The following CSMD1 variants were observed in gnomAD, a reference collection of about 807,000 sequenced individuals.
CSMD1 encodes the protein CUB and sushi domain-containing protein 1.
Under a neutral mutation model 417.5 loss-of-function variants are expected in CSMD1, and 213 were observed. The observed-to-expected ratio is 0.51, with a 90% CI of 0.46 to 0.57. The LOEUF is 0.57. Ranked by LOEUF, CSMD1 falls within the 20% of genes least tolerant of loss-of-function variation. The pLI, the probability that CSMD1 is intolerant of heterozygous loss-of-function variation, is 0.00. For synonymous variants in CSMD1, 2,862 were observed against 1,736.8 expected (o/e 1.65, Z -16.11); for missense variants, 6,923 against 4,529.7 (o/e 1.53, Z -15.17).
rs58317483 is a variant in CSMD1 at position 4,468,679 on chromosome 8, T to C, written c.303-48614A>G. Reference sequence around the variant, plus strand: ...TAGGTAGATCTCCTCCCCTGGACTGTATGTATCATAACAAGAGTGTTTAGC... The same window carrying C: ...TAGGTAGATCTCCTCCCCTGGACTGCATGTATCATAACAAGAGTGTTTAGC... On this transcript the variant is annotated intron_variant, in intron 2 of 69. Coordinates refer to ENST00000635120, the MANE Select transcript of CSMD1 (RefSeq NM_033225.6). 5.5e-3 allele frequency among the ~76,000 whole-genome samples: 830 copies of C among 152,282 alleles called. 6 individuals carry two copies. Among genetic ancestry groups the C allele is most frequent in the African/African-American group, 0.019 (798 of 41,570 alleles).
intron 6 of CSMD1, among the ~76,000 whole-genome samples, chr8:3,731,072 T>C (rs1291772052): frequency 2.6e-5 from 4 of 152,202 alleles, no homozygotes; most frequent in African/African-American, 9.6e-5. Flanking sequence ...CCTACGTCCT[T>C]ATACACTTTC....
At chr8:4,016,689 T>G (rs978036598) in intron 4 of CSMD1, among the ~76,000 whole-genome samples, 1 of 152,200 alleles carries the variant, frequency 6.6e-6, no homozygotes, top group Non-Finnish European at 1.5e-5. Flanking sequence ...TTCAGCAAAA[T>G]AGATTTAGCC....
chr8:3,170,294 G>C (rs946344761), intron 37 of CSMD1, among the ~76,000 whole-genome samples: 3 of 152,084 alleles, frequency 2.0e-5, no homozygotes, highest in Non-Finnish European at 4.4e-5. Flanking sequence ...TGCAAGCTCC[G>C]CCTCCCGGGT....
chr8:3,085,884 T>A (rs1172369484), intron 49 of CSMD1, among the ~76,000 whole-genome samples: 1 of 152,162 alleles, frequency 6.6e-6, no homozygotes. Context: ...TCCGGACCCC[T>A]TTGTGCTTAG....
chr8:3,724,210 T>G (rs970501242), intron 6 of CSMD1, among the ~76,000 whole-genome samples: 3 of 151,742 alleles, frequency 2.0e-5, no homozygotes, highest in African/African-American at 7.3e-5. Flanking sequence ...TTTTTTTTAT[T>G]ATTATACTTT....
chr8:3,255,255 C>T (rs748582803), intron 26 of CSMD1, among the ~76,000 whole-genome samples: 52 of 151,632 alleles, frequency 3.4e-4, no homozygotes, highest in South Asian at 6.2e-4. Context: ...TGTACCCAGC[C>T]GTGTGAGGTG....
intron 5 of CSMD1, among the ~76,000 whole-genome samples, chr8:3,858,504 G>A (rs1563151173): frequency 1.3e-5 from 2 of 152,150 alleles, no homozygotes; most frequent in Non-Finnish European, 2.9e-5. Flanking sequence ...TGTAGAAATG[G>A]AAGGCCTACT....
intron 26 of CSMD1, among the ~76,000 whole-genome samples, chr8:3,250,100 C>T (rs542120486): frequency 3.3e-5 from 5 of 152,174 alleles, no homozygotes; most frequent in African/African-American, 1.2e-4. Flanking sequence ...GGTACATGTG[C>T]ACAACGTGCA....
intron 11 of CSMD1, among the ~76,000 whole-genome samples, chr8:3,478,295 G>A (rs989857563): frequency 6.6e-6 from 1 of 152,192 alleles, no homozygotes; most frequent in Non-Finnish European, 1.5e-5. Flanking sequence ...CAAACCTCTT[G>A]ATCTTGCAGA....
intron 5 of CSMD1, among the ~76,000 whole-genome samples, chr8:3,843,388 C>T (rs918017093): frequency 1.3e-5 from 2 of 152,058 alleles, no homozygotes; most frequent in African/African-American, 4.8e-5. Flanking sequence ...TAATTATAAG[C>T]AAAGATATTT....
At chr8:4,156,847 C>G (rs1796863004) in intron 3 of CSMD1, among the ~76,000 whole-genome samples, 1 of 152,088 alleles carries the variant, frequency 6.6e-6, no homozygotes, top group Non-Finnish European at 1.5e-5. Flanking sequence ...CACAGGGAGG[C>G]TTTTTAATTT....
chr8:3,500,588 A>T (rs752810020), intron 10 of CSMD1, among the ~76,000 whole-genome samples: 2 of 152,210 alleles, frequency 1.3e-5, no homozygotes, highest in African/African-American at 2.4e-5. Flanking sequence ...AAGAAAAAAG[A>T]ATCTGTGGTA....
At chr8:4,367,249 A>C (rs187891835) in intron 3 of CSMD1, among the ~76,000 whole-genome samples, 1 of 152,172 alleles carries the variant, frequency 6.6e-6, no homozygotes, top group African/African-American at 2.4e-5. Context: ...GTCCAGTCTC[A>C]TAAGTCCAGC....
intron 49 of CSMD1, among the ~76,000 whole-genome samples, chr8:3,055,768 C>G (rs1334679768): frequency 6.6e-6 from 1 of 152,154 alleles, no homozygotes; most frequent in South Asian, 2.1e-4. Flanking sequence ...TTTATTGATC[C>G]TGTAAAGTTA....
chr8:4,008,989 G>A (rs1381724866), intron 4 of CSMD1, among the ~76,000 whole-genome samples: 1 of 152,192 alleles, frequency 6.6e-6, no homozygotes, highest in East Asian at 1.9e-4. Context: ...AATCGTCAGT[G>A]GGTAGGTTTT....
intron 2 of CSMD1, among the ~76,000 whole-genome samples, chr8:4,513,681 G>T (rs1384464943): frequency 1.3e-5 from 2 of 152,266 alleles, no homozygotes; most frequent in Admixed American, 6.5e-5. Flanking sequence ...ATTGAGAAAG[G>T]TAATTTCATT....
At chr8:3,802,393 T>G (rs1200336845) in intron 5 of CSMD1, among the ~76,000 whole-genome samples, 1 of 152,182 alleles carries the variant, frequency 6.6e-6, no homozygotes, top group Non-Finnish European at 1.5e-5. Context: ...AAAGGGACAA[T>G]GTTGCATCAT....
intron 1 of CSMD1, among the ~76,000 whole-genome samples, chr8:4,971,720 G>C (rs1810251359): frequency 2.6e-5 from 4 of 151,176 alleles, no homozygotes; most frequent in Admixed American, 2.0e-4. Context: ...TTGCTTCTAT[G>C]ATTACATTCT....
chr8:4,144,562 G>C (rs1289884669), intron 3 of CSMD1, among the ~76,000 whole-genome samples: 1 of 150,940 alleles, frequency 6.6e-6, no homozygotes, highest in East Asian at 1.9e-4. Flanking sequence ...TCTCCTAATT[G>C]TTATCTGGAT....
Sources: allele counts gnomAD v4.1 joint callset (sites outside exome capture counted in the v4.1 genomes callset), GRCh38; gene constraint gnomAD v4.1.1; transcripts MANE v1.5; gene names NCBI Gene and HGNC (gene_info 2026-07-23, HGNC 2026-07-21).